NOL4L: variants seen among roughly 807,000 people sequenced by gnomAD.
The protein encoded by NOL4L is nucleolar protein 4 like.
In NOL4L, 7 loss-of-function variants were observed where a neutral mutation model predicts 64.5. The observed-to-expected ratio is 0.11, with a 90% CI of 0.06 to 0.20. The LOEUF (loss-of-function observed/expected upper bound fraction) is 0.20, where lower values mean the gene tolerates loss of function less well. Among genes scored for constraint, NOL4L ranks in the 10% least tolerant of loss-of-function variants. The probability of loss-of-function intolerance (pLI) is 1.00; values close to 1 mark genes in which losing one functional copy is unlikely to be tolerated. For missense variants in NOL4L, 680 were observed against 967.1 expected, an observed-to-expected ratio of 0.70 and a Z score of 3.94; for synonymous variants, 413 against 401.0, an observed-to-expected ratio of 1.03 and a Z score of -0.36.
At chr20:32,496,676 G>A (rs1171397143) in intron 4 of NOL4L, among the ~76,000 whole-genome samples, 2 of 151,556 alleles carry the variant, frequency 1.3e-5, no homozygotes, top group African/African-American at 4.9e-5. Context: ...TCAGCCTCCC[G>A]AGTAGCTGGA....
chr20:32,551,634 G>A (rs1161837036), intron 1 of NOL4L, among the ~76,000 whole-genome samples: 3 of 152,062 alleles, frequency 2.0e-5, no homozygotes, highest in African/African-American at 7.2e-5. Flanking sequence ...AGAAAGCACA[G>A]TAGTGGTTGT....
At chr20:32,527,619 G>C in intron 2 of NOL4L, 139 bp downstream of exon 2, 1 of 985,390 alleles carries the variant, frequency 1.0e-6, no homozygotes, top group Non-Finnish European at 1.4e-6. Context: ...CCCTTGCCCT[G>C]TGCCCCCCTA....
intron 1 of NOL4L, chr20:32,536,129 GCACAAACAGCACCCGCCCTAGAAGA>G: frequency 1.0e-6 from 1 of 985,642 alleles, no homozygotes; most frequent in Non-Finnish European, 1.2e-6. Context: ...CCCAAATGAT[GCACAAACAGCACCCGCCCTAGAAGA>G]CACCCATTAA....
intron 1 of NOL4L, among the ~76,000 whole-genome samples, chr20:32,539,045 C>T (rs1354637826): frequency 2.6e-5 from 4 of 151,264 alleles, no homozygotes; most frequent in Non-Finnish European, 4.4e-5. Flanking sequence ...GGGTGGGGGG[C>T]GGCACAGAGT....
chr20:32,448,801 T>G (rs924602091), intron 10 of NOL4L, among the ~76,000 whole-genome samples: 5 of 152,210 alleles, frequency 3.3e-5, no homozygotes, highest in Non-Finnish European at 5.9e-5. Context: ...TCTTGGCCTT[T>G]CCCAAGAAGC....
In NOL4L at chr20:32,464,541, A is replaced by C. The variant is rs1385269455; in HGVS notation, c.842-8146T>G. Reference sequence around the variant, plus strand: ...GTGCCACACTTGCCCCCTGATTTGCAGCCCCGGGGCGCCAGTTCCTCTACC... The same window carrying C: ...GTGCCACACTTGCCCCCTGATTTGCCGCCCCGGGGCGCCAGTTCCTCTACC... On this transcript the variant is annotated intron_variant, in intron 5 of 10. Transcript: ENST00000621426. The surrounding 1 kb of genome is among the most constrained non-coding windows in gnomAD (Gnocchi z 5.6). Among the ~76,000 whole-genome samples the C allele has an allele frequency of 1.3e-5, 2 of 152,096 alleles. No homozygotes were observed. The highest frequency in any genetic ancestry group is 2.9e-5 in the Non-Finnish European group (2 of 68,006).
chr20:32,448,436 G>T (rs953020002), intron 10 of NOL4L, among the ~76,000 whole-genome samples: 2 of 152,218 alleles, frequency 1.3e-5, no homozygotes, highest in Non-Finnish European at 2.9e-5. Context: ...TGCCCTGGTT[G>T]TCTGGGGGGA....
rs887514541 is a variant in NOL4L, at chr20:32,504,336, A to G, written c.699+7011T>C. Among the ~76,000 whole-genome samples the G allele has an allele frequency of 6.6e-5, 10 of 152,172 alleles. No individual in the cohort carries two copies. The South Asian group carries it at 8.3e-4, about 13-fold the overall frequency. On this transcript the variant is annotated intron_variant, in intron 4 of 10. Coordinates refer to ENST00000621426, the MANE Select transcript of NOL4L (RefSeq NM_001256798.2). Reference sequence around the variant, plus strand: ...AGCACTTTGGGAGGCTGAGGTGGGTAGATCACGAGGTCAGTAGATCGAGAC... The same window carrying G: ...AGCACTTTGGGAGGCTGAGGTGGGTGGATCACGAGGTCAGTAGATCGAGAC...
chr20:32,574,768 G>A (rs966133621), intron 1 of NOL4L, among the ~76,000 whole-genome samples: 1 of 149,526 alleles, frequency 6.7e-6, no homozygotes, highest in Non-Finnish European at 1.5e-5. Flanking sequence ...TGACTCCCGC[G>A]CTGGCCCCGA....
chr20:32,458,499 C>T (rs746726573), intron 5 of NOL4L, among the ~76,000 whole-genome samples: 16 of 152,220 alleles, frequency 1.1e-4, no homozygotes, highest in Non-Finnish European at 1.9e-4. Context: ...CAGGACAGAC[C>T]CTGTCACCAG....
chr20:32,449,364 G>C (rs1263174671), intron 10 of NOL4L, among the ~76,000 whole-genome samples: 3 of 152,250 alleles, frequency 2.0e-5, no homozygotes, highest in African/African-American at 7.2e-5. Context: ...TATGAAGAGA[G>C]ATGGACAAGC....
chr20:32,515,105 AAC>A (rs1314384558), intron 3 of NOL4L, among the ~76,000 whole-genome samples: 8 of 152,108 alleles, frequency 5.3e-5, no homozygotes, highest in Admixed American at 6.5e-5. Flanking sequence ...GGAAAAATAA[AAC>A]AGTGGCCAGG....
chr20:32,546,833 C>T (rs1326678020), intron 1 of NOL4L, among the ~76,000 whole-genome samples: 4 of 152,214 alleles, frequency 2.6e-5, no homozygotes, highest in Non-Finnish European at 5.9e-5. Context: ...ACTTTCAACT[C>T]CTTGGGTCAG....
At chr20:32,454,544 CT>C (rs1022944747) in intron 6 of NOL4L, among the ~76,000 whole-genome samples, 16 of 152,352 alleles carry the variant, frequency 1.1e-4, no homozygotes, top group African/African-American at 3.4e-4. Context: ...GCAGCTCCCT[CT>C]TTTCCCCCAT....
At chr20:32,540,201 G>A (rs781701090) in intron 1 of NOL4L, among the ~76,000 whole-genome samples, 1 of 152,182 alleles carries the variant, frequency 6.6e-6, no homozygotes, top group African/African-American at 2.4e-5. Flanking sequence ...GCCATCCCAG[G>A]AAGGGTGCCA....
chr20:32,454,787 G>A (rs1003752806), intron 6 of NOL4L, among the ~76,000 whole-genome samples: 4 of 152,244 alleles, frequency 2.6e-5, no homozygotes, highest in South Asian at 2.1e-4. Flanking sequence ...CAGGGAACAG[G>A]TGGCGGTATG....
chr20:32,450,707 T>C (rs745834985), intron 10 of NOL4L, among the ~76,000 whole-genome samples: 11 of 152,096 alleles, frequency 7.2e-5, no homozygotes, highest in Non-Finnish European at 1.3e-4. Flanking sequence ...CTTGTCACCA[T>C]CGCCTGCTGC....
At chr20:32,488,329 C>T (rs1329045644) in intron 4 of NOL4L, among the ~76,000 whole-genome samples, 1 of 152,156 alleles carries the variant, frequency 6.6e-6, no homozygotes, top group African/African-American at 2.4e-5. Context: ...CTGGTACCAT[C>T]GCAATGCACA....
In NOL4L at chr20:32,514,495, A is replaced by G. The variant is rs112966060; in HGVS notation, c.590-3039T>C. Among the ~76,000 whole-genome samples the G allele has an allele frequency of 3.4e-3, 511 of 151,028 alleles. 4 individuals carry two copies. Among genetic ancestry groups the G allele is most frequent in the South Asian group, 7.1e-3 (34 of 4,806 alleles). On this transcript the variant is annotated intron_variant, in intron 3 of 10. Coordinates refer to ENST00000621426, the MANE Select transcript of NOL4L (RefSeq NM_001256798.2). ...GACAGAGCAAGACTCCGTCCCAAGG[A>G]AAAAAAAAAAGTAAATGTCACTAAT...
Sources: allele counts gnomAD v4.1 joint callset (sites outside exome capture counted in the v4.1 genomes callset), GRCh38; gene constraint gnomAD v4.1.1; non-coding constraint Gnocchi (gnomAD v3.1); transcripts MANE v1.5; gene names NCBI Gene and HGNC (gene_info 2026-07-23, HGNC 2026-07-21).